The following PLA2G6 variants were observed in gnomAD, a reference collection of about 807,000 sequenced individuals.
The protein encoded by PLA2G6 is 85/88 kDa calcium-independent phospholipase A2.
In PLA2G6, 62 loss-of-function variants were observed where a neutral mutation model predicts 83.8. The ratio of observed to expected loss-of-function variants is 0.74; its 90% CI spans 0.60 to 0.91. The LOEUF (loss-of-function observed/expected upper bound fraction) is 0.91, where lower values mean the gene tolerates loss of function less well. Ranked by LOEUF, PLA2G6 falls within the 40% of genes least tolerant of loss-of-function variation. The pLI, the probability that PLA2G6 is intolerant of heterozygous loss-of-function variation, is 0.00. For synonymous variants in PLA2G6, 417 were observed against 449.8 expected, an observed-to-expected ratio of 0.93 and a Z score of 0.92; for missense variants, 944 against 1,102.0, an observed-to-expected ratio of 0.86 and a Z score of 2.03.
At chr22:38,152,156 G>A (rs2089590283) in intron 2 of PLA2G6, among the ~76,000 whole-genome samples, 1 of 152,096 alleles carries the variant, frequency 6.6e-6, no homozygotes, top group African/African-American at 2.4e-5. Context: ...CCTGTGGGGT[G>A]GGGGTGAGTG....
At chr22:38,168,277 A>G (rs2090298935) in intron 2 of PLA2G6, among the ~76,000 whole-genome samples, 1 of 152,238 alleles carries the variant, frequency 6.6e-6, no homozygotes. Context: ...CTGACAGGAC[A>G]GCCAGATGGA....
chr22:38,127,059 G>A (rs2087903951), intron 9 of PLA2G6: 4 of 1,092,490 alleles, frequency 3.7e-6, no homozygotes, highest in African/African-American at 1.6e-5. Context: ...AGGCCTGCCT[G>A]ACGTCCACCC....
chr22:38,124,602 G>A (rs2087724283), intron 10 of PLA2G6, among the ~76,000 whole-genome samples: 1 of 152,104 alleles, frequency 6.6e-6, no homozygotes, highest in South Asian at 2.1e-4. Context: ...CCCGCCTGCT[G>A]CTCCACCTGC....
rs587784347 is a variant in PLA2G6, at chr22:38,113,561, G to A, written c.2128C>T (p.Arg710Cys). ...QVPVTCVDVF[R>C]PSNPWELAKT... is the part of the protein sequence containing the mutation. ...GCCAGCTCCCAGGGGTTGCTGGGAC[G>A]GAAGACATCCACACAGGTCACAGGC... The change falls in exon 15 of 17, where the codon CGT (arginine) becomes TGT (cysteine). Residue 710 changes from arginine (R) to cysteine (C), a missense_variant. Arg to Cys is a radical substitution (Grantham distance 180). Transcript: ENST00000332509. 7.4e-6 allele frequency: 12 copies of A among 1,613,838 alleles called. No homozygotes were observed. Among genetic ancestry groups the A allele is most frequent in the South Asian group, 2.2e-5 (2 of 91,070 alleles).
chr22:38,120,647 C>G (rs1218609904), intron 12 of PLA2G6, 112 bp downstream of exon 12: 3 of 1,341,836 alleles, frequency 2.2e-6, no homozygotes, highest in Non-Finnish European at 3.2e-6. Context: ...CTGCTCCCCT[C>G]AAGCGTGGGG....
In PLA2G6 at chr22:38,128,878, C is replaced by G. The variant is rs919586781; in HGVS notation, c.1187-448G>C. ...TAGATGCGGTGCATGCAGACACACA[C>G]GTGTGCACTGGCACACACACACTGC... On this transcript the variant is annotated intron_variant, in intron 8 of 16. Transcript: ENST00000332509. The surrounding 1 kb of genome is among the most constrained non-coding windows in gnomAD (Gnocchi z 4.4). Among the ~76,000 whole-genome samples, 4 of 152,236 alleles carry G rather than the reference C, an allele frequency of 2.6e-5. No homozygotes were observed. The highest frequency in any genetic ancestry group is 5.9e-5 in the Non-Finnish European group (4 of 68,036).
rs1172241523 is a variant in PLA2G6 at position 38,123,161 on chromosome 22, T to TG, written c.1524dup (p.Lys509GlnfsTer5). On this transcript the variant is annotated frameshift_variant, in exon 11 of 17. Coordinates refer to ENST00000332509, the MANE Select transcript of PLA2G6 (RefSeq NM_003560.4). LOFTEE classifies it high-confidence loss of function. This position sits in a 1 kb window ranked among gnomAD's most constrained non-coding sequence, Gnocchi z 4.1. Reference sequence around the variant, plus strand: ...CCCGCCACCCAGTCAAACAGGTCCTTGGTGGCCACACCCGAGGCCTTCTCG... The same window carrying TG: ...CCCGCCACCCAGTCAAACAGGTCCTTGGGTGGCCACACCCGAGGCCTTCTCG... 6.4e-6 allele frequency: 10 copies of TG among 1,550,552 alleles called. No individual in the cohort carries two copies. Among genetic ancestry groups the TG allele is most frequent in the African/African-American group, 1.4e-5 (1 of 72,948 alleles).
In PLA2G6 at chr22:38,123,540, T is replaced by C. The variant is rs11570731; in HGVS notation, c.1428-282A>G. 1.7e-3 allele frequency among the ~76,000 whole-genome samples: 265 copies of C among 152,056 alleles called. 1 individual carries two copies. The highest frequency in any genetic ancestry group is 5.9e-3 in the African/African-American group (245 of 41,452). On this transcript the variant is annotated intron_variant, in intron 10 of 16. Coordinates refer to ENST00000332509, the MANE Select transcript of PLA2G6 (RefSeq NM_003560.4). This position sits in a 1 kb window ranked among gnomAD's most constrained non-coding sequence, Gnocchi z 4.1. ...GCCATCCCAGCAGGATCTCGGCCAG[T>C]CTCCCCAACTTGGGACACCTGATTT...
At chr22:38,156,288 G>C (rs564196333) in intron 2 of PLA2G6, among the ~76,000 whole-genome samples, 1 of 152,124 alleles carries the variant, frequency 6.6e-6, no homozygotes, top group Admixed American at 6.5e-5. Context: ...AATCAACAAA[G>C]AAACACCAGC....
chr22:38,135,123 G>A (rs764376979), intron 5 of PLA2G6, 39 bp from the exon 6 acceptor site: 1 of 1,391,412 alleles, frequency 7.2e-7, no homozygotes. Context: ...GCAGAAGCTA[G>A]GGTCTGCGTG....
chr22:38,172,510 A>G (rs765350842), intron 1 of PLA2G6, among the ~76,000 whole-genome samples: 24 of 152,252 alleles, frequency 1.6e-4, no homozygotes, highest in Non-Finnish European at 2.8e-4. Flanking sequence ...TGCTGGGTTT[A>G]TGGGCTTTTG....
At chr22:38,170,195 CAAAA>C (rs132990) in intron 1 of PLA2G6, among the ~76,000 whole-genome samples, 67 of 75,520 alleles carry the variant, frequency 8.9e-4, no homozygotes, top group African/African-American at 2.7e-3. Flanking sequence ...GACTCTGTCT[CAAAA>C]AAAAAAAAAA....
chr22:38,115,931 T>C, intron 13 of PLA2G6, 144 bp downstream of exon 13: 1 of 1,468,090 alleles, frequency 6.8e-7, no homozygotes, highest in Non-Finnish European at 9.3e-7. Flanking sequence ...CCGCAATCCC[T>C]GTCCTCAGCC....
intron 1 of PLA2G6, among the ~76,000 whole-genome samples, chr22:38,172,504 G>A (rs2090472616): frequency 6.6e-6 from 1 of 152,252 alleles, no homozygotes; most frequent in Non-Finnish European, 1.5e-5. Context: ...TGAGGGTGCT[G>A]GGTTTATGGG....
intron 1 of PLA2G6, among the ~76,000 whole-genome samples, chr22:38,170,888 C>T (rs1212490950): frequency 6.6e-6 from 1 of 152,024 alleles, no homozygotes; most frequent in African/African-American, 2.4e-5. Context: ...ATAATTATAC[C>T]AACAAGGCAC....
At chr22:38,172,241 G>A (rs944205203) in intron 1 of PLA2G6, among the ~76,000 whole-genome samples, 2 of 152,202 alleles carry the variant, frequency 1.3e-5, no homozygotes, top group African/African-American at 4.8e-5. Context: ...CCAAAGAACA[G>A]AGGGGTAAAG....
chr22:38,150,252 T>C (rs1287930083), intron 2 of PLA2G6: 1 of 152,174 alleles, frequency 6.6e-6, no homozygotes, highest in Non-Finnish European at 1.5e-5. Context: ...GCAAAAGTGA[T>C]GCCGTCCCAG....
chr22:38,151,739 C>T (rs1048489592), intron 2 of PLA2G6, among the ~76,000 whole-genome samples: 2 of 152,154 alleles, frequency 1.3e-5, no homozygotes, highest in African/African-American at 2.4e-5. Flanking sequence ...GAATACATAG[C>T]TAAAGGATTC....
chr22:38,122,000 GA>G (rs2087552934), intron 11 of PLA2G6, among the ~76,000 whole-genome samples: 1 of 152,184 alleles, frequency 6.6e-6, no homozygotes, highest in Non-Finnish European at 1.5e-5. Context: ...AAAAGGAAAT[GA>G]AATACCAGTC....
Sources: allele counts gnomAD v4.1 joint callset (sites outside exome capture counted in the v4.1 genomes callset), GRCh38; gene constraint gnomAD v4.1.1; non-coding constraint Gnocchi (gnomAD v3.1); transcripts MANE v1.5; gene names NCBI Gene and HGNC (gene_info 2026-07-23, HGNC 2026-07-21).